The following SEMA4F variants were observed in gnomAD, a reference collection of about 807,000 sequenced individuals.
SEMA4F encodes semaphorin-4F.
Under a neutral mutation model 78.4 loss-of-function variants are expected in SEMA4F, and 51 were observed. The observed-to-expected ratio is 0.65, with a 90% CI of 0.52 to 0.82. The LOEUF is 0.82. Among genes scored for constraint, SEMA4F ranks in the 40% least tolerant of loss-of-function variants. SEMA4F has a pLI of 0.00. For synonymous variants in SEMA4F, 418 were observed against 408.7 expected (o/e 1.02, Z -0.27); for missense variants, 938 against 1,014.4 (o/e 0.92, Z 1.02).
the SEMA4F span, among the ~76,000 whole-genome samples, chr2:74,694,997 G>T: frequency 3.7e-4 from 56 of 152,336 alleles, no homozygotes; most frequent in Non-Finnish European, 7.1e-4. Flanking sequence ...ACATACATGT[G>T]CAGGTGTTTT....
intron 6 of SEMA4F, 50 bp downstream of exon 6, chr2:74,673,626 G>A (rs1685105031): frequency 6.2e-7 from 1 of 1,613,096 alleles, no homozygotes; most frequent in East Asian, 2.2e-5. Context: ...GGTGGAGTCT[G>A]GGAAGTCCTA....
chr2:74,668,149 AATAG>A (rs1319896011), intron 5 of SEMA4F, among the ~76,000 whole-genome samples: 3 of 151,460 alleles, frequency 2.0e-5, no homozygotes, highest in South Asian at 2.1e-4. Context: ...CACATCCTAT[AATAG>A]ATAGGGTTTC....
Position 74,683,030 on chromosome 2 carries a change from A to C in SEMA4F, c.*2821A>C, listed in dbSNP as rs777344434. 1.3e-5 allele frequency: 2 copies of C among 152,396 alleles called. No homozygotes were observed. The highest frequency in any genetic ancestry group is 2.9e-5 in the Non-Finnish European group (2 of 68,278). 9.4% of individuals were successfully genotyped at this position (152,396 alleles called of 1,614,324 possible). The stretch of plus-strand genomic sequence containing the variant: ...TCCCAACTGACCCTGGTGCTTCCCC[A>C]TGTGGCCCCTGTATAGTGTGCTTTG... On this transcript the variant is annotated 3_prime_UTR_variant, in exon 14 of 14. Coordinates refer to ENST00000357877, the MANE Select transcript of SEMA4F (RefSeq NM_004263.5).
chr2:74,694,369 G>A, the SEMA4F span, among the ~76,000 whole-genome samples: 46 of 151,978 alleles, frequency 3.0e-4, no homozygotes, highest in Non-Finnish European at 6.0e-4. Flanking sequence ...ATATTATTTC[G>A]AACTCTCATT....
At chr2:74,663,287 G>T (rs777043719) in intron 5 of SEMA4F, among the ~76,000 whole-genome samples, 4 of 152,162 alleles carry the variant, frequency 2.6e-5, no homozygotes, top group Non-Finnish European at 4.4e-5. Flanking sequence ...TAGAGCCCTT[G>T]AAATGTGACT....
At chr2:74,660,094 G>A (rs573137807) in intron 4 of SEMA4F, among the ~76,000 whole-genome samples, 8 of 152,212 alleles carry the variant, frequency 5.3e-5, no homozygotes, top group Non-Finnish European at 1.2e-4. Context: ...TGTCTGCTCT[G>A]ATGAAGACTT....
chr2:74,656,661 C>T lies in SEMA4F; in HGVS notation c.273C>T (p.Pro91=), dbSNP rs773004290. The T allele has an allele frequency of 6.2e-7, 1 of 1,614,072 alleles. No homozygotes were observed. The highest frequency in any genetic ancestry group is 1.7e-5 in the Admixed American group (1 of 60,004). ...ACACCATCTTCGCTTTATCCCTGCC[C>T]TTCTCAGGGGAGAGACCCCGCAGGG... ...ARDTIFALSL[P]FSGERPRRID... Residue 91 remains proline, a synonymous_variant, in exon 2 of 14, where the codon CCC becomes CCT. Transcript: ENST00000357877.
At chr2:74,705,388 A>C in the SEMA4F span, among the ~76,000 whole-genome samples, 6 of 152,362 alleles carry the variant, frequency 3.9e-5, no homozygotes, top group African/African-American at 1.4e-4. Context: ...AAAAGATCTA[A>C]GTATTCAAAA....
chr2:74,701,141 G>C, the SEMA4F span, among the ~76,000 whole-genome samples: 2 of 152,124 alleles, frequency 1.3e-5, no homozygotes, highest in African/African-American at 4.8e-5. Flanking sequence ...AGGTTACTGA[G>C]CTGGAACGGG....
At chr2:74,671,141 AG>A (rs1376621301) in intron 5 of SEMA4F, among the ~76,000 whole-genome samples, 20 of 152,362 alleles carry the variant, frequency 1.3e-4, no homozygotes, top group African/African-American at 4.6e-4. Flanking sequence ...TACAAGTACT[AG>A]TACTTGGGTT....
At chr2:74,660,148 A>G (rs1684356343) in intron 4 of SEMA4F, among the ~76,000 whole-genome samples, 2 of 152,238 alleles carry the variant, frequency 1.3e-5, no homozygotes, top group South Asian at 4.1e-4. Flanking sequence ...AATTCTTATC[A>G]CCACATCATG....
chr2:74,685,293 TAAG>T (rs1348585212), downstream of SEMA4F, among the ~76,000 whole-genome samples: 4 of 152,028 alleles, frequency 2.6e-5, no homozygotes, highest in Non-Finnish European at 5.9e-5. Flanking sequence ...GTAGGAAAGA[TAAG>T]GAGTAGTTAT....
the SEMA4F span, among the ~76,000 whole-genome samples, chr2:74,700,022 A>G: frequency 1.3e-5 from 2 of 152,056 alleles, no homozygotes; most frequent in African/African-American, 4.8e-5. Context: ...AGCCAGGAGG[A>G]GGATGAGGTG....
intron 5 of SEMA4F, among the ~76,000 whole-genome samples, chr2:74,671,125 T>C (rs551322158): frequency 6.6e-6 from 1 of 152,318 alleles, no homozygotes; most frequent in East Asian, 1.9e-4. Context: ...TAGGTACTAG[T>C]ATTAATACAA....
In SEMA4F at chr2:74,661,691, T is replaced by G. The variant is rs140506658; in HGVS notation, c.457-1041T>G. On this transcript the variant is annotated intron_variant, in intron 4 of 13. Coordinates refer to ENST00000357877, the MANE Select transcript of SEMA4F (RefSeq NM_004263.5). ...ACTTCAAAAGTTTTAACAGGCCTTCTTCCAGACTCTCAGTAAAATAGAATC... is the reference window on the plus strand; with the variant it reads ...ACTTCAAAAGTTTTAACAGGCCTTCGTCCAGACTCTCAGTAAAATAGAATC... 2.2e-3 allele frequency among the ~76,000 whole-genome samples: 336 copies of G among 152,328 alleles called. 2 individuals are homozygous for G. Among genetic ancestry groups the G allele is most frequent in the Middle Eastern group, 6.8e-3 (2 of 294 alleles).
the SEMA4F span, among the ~76,000 whole-genome samples, chr2:74,695,202 C>T: frequency 6.6e-6 from 1 of 152,210 alleles, no homozygotes; most frequent in Non-Finnish European, 1.5e-5. Context: ...GCATCAGACA[C>T]TCAGCCAGAT....
Position 74,675,320 on chromosome 2 carries a change from A to C in SEMA4F, c.1308A>C (p.Arg436Ser). ...TCACTACAGATACAGCCTATCTCAG[A>C]GTCGTGGCCCACAGGGTGACCAGCC... Reference protein sequence around the residue: ...LLVTTDTAYLRVVAHRVTSLS... With the variant: ...LLVTTDTAYLSVVAHRVTSLS... The change falls in exon 10 of 14, where the codon AGA (arginine) becomes AGC (serine). Residue 436 changes from arginine (R) to serine (S), a missense_variant. Arg to Ser is a moderately radical substitution (Grantham distance 110). Coordinates refer to ENST00000357877, the MANE Select transcript of SEMA4F (RefSeq NM_004263.5). 6.2e-7 allele frequency: 1 copy of C among 1,614,122 alleles called. No homozygotes were observed. Among genetic ancestry groups the C allele is most frequent in the Non-Finnish European group, 8.5e-7 (1 of 1,180,020 alleles).
downstream of SEMA4F, among the ~76,000 whole-genome samples, chr2:74,686,335 G>A (rs1685822231): frequency 6.6e-6 from 1 of 152,160 alleles, no homozygotes; most frequent in Non-Finnish European, 1.5e-5. Flanking sequence ...TCCTGACCTC[G>A]TGATCTGCCC....
At chr2:74,704,748 A>G in the SEMA4F span, among the ~76,000 whole-genome samples, 42,833 of 151,610 alleles carry the variant, frequency 0.28, 8,925 homozygotes, top group East Asian at 0.82. Flanking sequence ...CCCTAGCAGA[A>G]CCCCAGTTGC....
Sources: gnomAD v4.1 joint callset for allele counts (sites outside exome capture counted in the v4.1 genomes callset) on GRCh38, gnomAD v4.1.1 for gene constraint, MANE v1.5 for transcripts, NCBI Gene and HGNC (gene_info 2026-07-23, HGNC 2026-07-21) for gene names.